CDH3: variants seen among roughly 807,000 people sequenced by gnomAD.
CDH3 encodes the protein cadherin 3.
A neutral mutation model predicts 82.0 loss-of-function variants in CDH3; 54 were observed. That is an observed-to-expected ratio of 0.66 (90% CI 0.53 to 0.83). The LOEUF (loss-of-function observed/expected upper bound fraction) is 0.83, where lower values mean the gene tolerates loss of function less well. Ranked by LOEUF, CDH3 falls within the 40% of genes least tolerant of loss-of-function variation. CDH3 has a pLI of 0.00. For missense variants in CDH3, 1,054 were observed against 1,084.6 expected (o/e 0.97, Z 0.40); for synonymous variants, 446 against 437.9 (o/e 1.02, Z -0.23).
intron 2 of CDH3, among the ~76,000 whole-genome samples, chr16:68,660,646 A>G (rs1448676361): frequency 6.6e-6 from 1 of 152,204 alleles, no homozygotes; most frequent in Non-Finnish European, 1.5e-5. Flanking sequence ...TTGCATTTAT[A>G]TAAAGGATGC....
chr16:68,729,609 C>T (rs1962261945), downstream of CDH3, among the ~76,000 whole-genome samples: 1 of 152,044 alleles, frequency 6.6e-6, no homozygotes. Flanking sequence ...TAAAATGTGG[C>T]TCTTGCTTGG....
rs550996856 is a variant in CDH3, at chr16:68,690,542, G to A, written c.1796-1178G>A. On this transcript the variant is annotated intron_variant, in intron 12 of 15. Coordinates refer to ENST00000264012, the MANE Select transcript of CDH3 (RefSeq NM_001793.6). ...GCAGGAGAATCGCTTGAGCCCATGAGGCAGAGGTTGCAGTGAGCTGAGATC... is the reference window on the plus strand; with the variant it reads ...GCAGGAGAATCGCTTGAGCCCATGAAGCAGAGGTTGCAGTGAGCTGAGATC... Among the ~76,000 whole-genome samples the A allele has an allele frequency of 3.4e-3, 514 of 152,158 alleles. 1 individual carries two copies. Among genetic ancestry groups the A allele is most frequent in the Non-Finnish European group, 3.3e-3 (227 of 68,008 alleles).
At chr16:68,692,227 G>T (rs1961600197) in intron 13 of CDH3, among the ~76,000 whole-genome samples, 1 of 152,012 alleles carries the variant, frequency 6.6e-6, no homozygotes, top group African/African-American at 2.4e-5. Flanking sequence ...TGTAAAAATG[G>T]GGCCTCACTA....
chr16:68,651,404 G>T, intron 2 of CDH3: 1 of 498,214 alleles, frequency 2.0e-6, no homozygotes, highest in Non-Finnish European at 4.0e-6. Flanking sequence ...TCCTTGTGCC[G>T]TACATGGTCA....
At chr16:68,710,933 AGGGAGGGGAG>A (rs1439675455) in intron 1 of CDH3, among the ~76,000 whole-genome samples, 4 of 123,696 alleles carry the variant, frequency 3.2e-5, no homozygotes, top group African/African-American at 1.2e-4. Context: ...GAAGGAGAGA[AGGGAGGGGAG>A]GGGAGGAGAG....
Position 68,691,938 on chromosome 16 carries a change from GC to G in CDH3, c.2002+17del, listed in dbSNP as rs1961592475. 1.2e-6 allele frequency: 2 copies of G among 1,603,420 alleles called. No homozygotes were observed. The highest frequency in any genetic ancestry group is 1.1e-5 in the South Asian group (1 of 90,830). On this transcript the variant is annotated intron_variant, in intron 13 of 15. Coordinates refer to ENST00000264012, the MANE Select transcript of CDH3 (RefSeq NM_001793.6). ...CCTGGCTCTGCTGTGTGAGTACCAGGCCCCCACCCCCTCCCTGAGGATGGGG... is the reference window on the plus strand; with the variant it reads ...CCTGGCTCTGCTGTGTGAGTACCAGGCCCCACCCCCTCCCTGAGGATGGGG...
chr16:68,668,346 C>T (rs1233729439), intron 2 of CDH3, among the ~76,000 whole-genome samples: 1 of 152,118 alleles, frequency 6.6e-6, no homozygotes, highest in African/African-American at 2.4e-5. Flanking sequence ...AGTCAGTTTA[C>T]TTCGCTGACT....
rs114006338 is a variant in CDH3 at position 68,697,720 on chromosome 16, C to A, written c.2281-471C>A. Among the ~76,000 whole-genome samples the A allele has an allele frequency of 6.4e-3, 967 of 152,234 alleles. 19 individuals carry two copies. The highest frequency in any genetic ancestry group is 0.022 in the African/African-American group (906 of 41,540). ...TATTAGATAATGATAGCTATTGTTG[C>A]GAGGTGCTATTCTAATAACTGCTTT... is the stretch of plus-strand genomic sequence containing the variant. On this transcript the variant is annotated intron_variant, in intron 15 of 15. Coordinates refer to ENST00000264012, the MANE Select transcript of CDH3 (RefSeq NM_001793.6).
intron 2 of CDH3, among the ~76,000 whole-genome samples, chr16:68,675,432 T>C (rs1256737314): frequency 6.6e-6 from 1 of 152,140 alleles, no homozygotes; most frequent in Non-Finnish European, 1.5e-5. Flanking sequence ...GTAACAACGT[T>C]GGTTGTGAAT....
In CDH3 at chr16:68,707,451, A is replaced by T. The variant is rs993438847; in HGVS notation, c.99+11528A>T. On this transcript the variant is annotated intron_variant, in intron 1 of 2. Transcript: ENST00000569080. The surrounding 1 kb of genome is among the most constrained non-coding windows in gnomAD (Gnocchi z 4.5). ...TCTGCTGTATCCTCAGTCCCTGAGG[A>T]TGCGGCAGGGCCTGTCGGGGCCTGT... is the stretch of plus-strand genomic sequence containing the variant. 2.0e-5 allele frequency among the ~76,000 whole-genome samples: 3 copies of T among 152,144 alleles called. No homozygotes were observed. The highest frequency in any genetic ancestry group is 7.2e-5 in the African/African-American group (3 of 41,428).
chr16:68,657,968 C>T (rs754543648), intron 2 of CDH3, among the ~76,000 whole-genome samples: 5 of 152,140 alleles, frequency 3.3e-5, no homozygotes, highest in African/African-American at 4.8e-5. Context: ...AGGAATTAAC[C>T]GTGCCTAAGA....
chr16:68,697,121 G>A (rs1961750523), intron 15 of CDH3, among the ~76,000 whole-genome samples: 1 of 151,170 alleles, frequency 6.6e-6, no homozygotes, highest in African/African-American at 2.4e-5. Flanking sequence ...TCAAGAGATT[G>A]AGACTATCCT....
At chr16:68,671,000 G>A (rs906297546) in intron 2 of CDH3, among the ~76,000 whole-genome samples, 1 of 152,132 alleles carries the variant, frequency 6.6e-6, no homozygotes, top group African/African-American at 2.4e-5. Context: ...TTGAGCCCGG[G>A]AGGTGGAGGT....
At position 68,706,535 on chromosome 16, in the gene CDH3, T is replaced by C. The variant is rs147562127; in HGVS notation, c.99+10612T>C. Among the ~76,000 whole-genome samples, 1,187 of 145,298 alleles carry C rather than the reference T, an allele frequency of 8.2e-3. 12 individuals are homozygous for C. Among genetic ancestry groups the C allele is most frequent in the African/African-American group, 0.028 (1,091 of 39,476 alleles). On this transcript the variant is annotated intron_variant, in intron 1 of 2. Coordinates refer to the CDH3 transcript ENST00000569080. ...GGGACAAAGATGCTGGTTCTAGTAG[T>C]CACATTTCCTTTTTTTTTTTTTTTT... is the stretch of plus-strand genomic sequence containing the variant.
At chr16:68,706,951 A>G (rs1223076527) in intron 1 of CDH3, among the ~76,000 whole-genome samples, 1 of 152,190 alleles carries the variant, frequency 6.6e-6, no homozygotes, top group East Asian at 1.9e-4. Flanking sequence ...GAAACAGTCC[A>G]TAAACAAGAC....
intron 9 of CDH3, among the ~76,000 whole-genome samples, chr16:68,683,894 C>A (rs1244785608): frequency 1.3e-5 from 2 of 150,574 alleles, no homozygotes; most frequent in Non-Finnish European, 3.0e-5. Flanking sequence ...GTGGTGAAAC[C>A]CGTCTCTACT....
At chr16:68,649,714 G>C (rs1477449525) in intron 2 of CDH3, among the ~76,000 whole-genome samples, 3 of 152,136 alleles carry the variant, frequency 2.0e-5, no homozygotes, top group Non-Finnish European at 4.4e-5. Context: ...CCCAGAAGGG[G>C]AGATGGAGGG....
chr16:68,649,925 T>C (rs920829018), intron 2 of CDH3, among the ~76,000 whole-genome samples: 1 of 152,004 alleles, frequency 6.6e-6, no homozygotes, highest in Non-Finnish European at 1.5e-5. Context: ...ACCCAGTTAC[T>C]TGGGAGGCTG....
chr16:68,677,888 C>T (rs1961075958), intron 3 of CDH3, among the ~76,000 whole-genome samples: 2 of 152,034 alleles, frequency 1.3e-5, no homozygotes, highest in African/African-American at 2.4e-5. Context: ...CACCGAGTTT[C>T]CCTTGCAATA....
Sources: allele counts gnomAD v4.1 joint callset (sites outside exome capture counted in the v4.1 genomes callset), GRCh38; gene constraint gnomAD v4.1.1; non-coding constraint Gnocchi (gnomAD v3.1); transcripts MANE v1.5; gene names NCBI Gene and HGNC (gene_info 2026-07-23, HGNC 2026-07-21).